The following MACROD2 variants were observed in gnomAD, a reference collection of about 807,000 sequenced individuals.
MACROD2 encodes the protein ADP-ribose glycohydrolase MACROD2.
MACROD2 carries 36 observed loss-of-function variants against 70.4 expected under a neutral mutation model. The ratio of observed to expected loss-of-function variants is 0.51; its 90% confidence interval spans 0.39 to 0.68. MACROD2 has a LOEUF of 0.68. Among genes scored for constraint, MACROD2 ranks in the 30% least tolerant of loss-of-function variants. MACROD2 has a pLI of 0.00. For missense variants in MACROD2, 496 were observed against 538.4 expected (o/e 0.92, Z 0.78); for synonymous variants, 172 against 178.8 (o/e 0.96, Z 0.30).
In MACROD2 at chr20:15,220,355, C is replaced by CTTGGCTTTG. The variant is rs1471165310; in HGVS notation, c.419-9583_419-9575dup. 2.0e-5 allele frequency among the ~76,000 whole-genome samples: 3 copies of CTTGGCTTTG among 152,218 alleles called. No individual in the cohort carries two copies. In the East Asian group the frequency reaches 5.8e-4, roughly 29 times the overall value. On this transcript the variant is annotated intron_variant, in intron 5 of 17. Transcript: ENST00000684519. Reference sequence around the variant, plus strand: ...ATTAAGCAACTGTTCCCATAGAATTCTTGGCTTTGTGGGAAACACAGACAT... The same window carrying CTTGGCTTTG: ...ATTAAGCAACTGTTCCCATAGAATTCTTGGCTTTGTTGGCTTTGTGGGAAACACAGACAT...
intron 7 of MACROD2, among the ~76,000 whole-genome samples, chr20:15,472,706 C>A (rs2046977400): frequency 6.6e-6 from 1 of 152,048 alleles, no homozygotes; most frequent in South Asian, 2.1e-4. Flanking sequence ...ATTCTATTTC[C>A]TATCATTTCA....
At chr20:15,562,959 C>T (rs779251287) in intron 8 of MACROD2, among the ~76,000 whole-genome samples, 8 of 152,118 alleles carry the variant, frequency 5.3e-5, no homozygotes, top group South Asian at 2.1e-4. Flanking sequence ...TGTGTAGAAA[C>T]GTACAGTTTG....
chr20:15,228,616 A>G (rs1017041095), intron 5 of MACROD2, among the ~76,000 whole-genome samples: 1 of 150,132 alleles, frequency 6.7e-6, no homozygotes, highest in African/African-American at 2.5e-5. Context: ...CAGTCTCCCG[A>G]GTAGCTGGGA....
At chr20:14,356,415 A>G (rs1405441511) in intron 3 of MACROD2, among the ~76,000 whole-genome samples, 1 of 152,028 alleles carries the variant, frequency 6.6e-6, no homozygotes, top group Non-Finnish European at 1.5e-5. Context: ...TATTTAGTCC[A>G]TAAATCTCAA....
intron 3 of MACROD2, among the ~76,000 whole-genome samples, chr20:14,353,777 T>C (rs1040626190): frequency 5.3e-5 from 8 of 152,182 alleles, no homozygotes; most frequent in Non-Finnish European, 8.8e-5. Flanking sequence ...AAATTTGTGT[T>C]AGCTACATTC....
chr20:15,726,898 T>C (rs1276935326), intron 8 of MACROD2, among the ~76,000 whole-genome samples: 4 of 152,222 alleles, frequency 2.6e-5, no homozygotes, highest in Non-Finnish European at 4.4e-5. Flanking sequence ...ACTCTGTTGA[T>C]AGTTTCTTTT....
intron 8 of MACROD2, among the ~76,000 whole-genome samples, chr20:15,634,352 G>A (rs1277492718): frequency 6.6e-6 from 1 of 152,150 alleles, no homozygotes; most frequent in Non-Finnish European, 1.5e-5. Context: ...TTTGAGCACT[G>A]AGCAATTTAT....
chr20:15,719,834 C>T (rs1464488126), intron 8 of MACROD2, among the ~76,000 whole-genome samples: 1 of 152,168 alleles, frequency 6.6e-6, no homozygotes, highest in Admixed American at 6.6e-5. Flanking sequence ...GCTATTTTCA[C>T]ATATGCAATA....
intron 6 of MACROD2, among the ~76,000 whole-genome samples, chr20:15,421,900 T>C (rs564306634): frequency 3.5e-4 from 54 of 152,302 alleles, no homozygotes; most frequent in African/African-American, 1.3e-3. Flanking sequence ...GAGAGTAATT[T>C]AGCTGGAGGC....
intron 6 of MACROD2, among the ~76,000 whole-genome samples, chr20:15,328,055 G>A (rs2077951343): frequency 6.6e-6 from 1 of 152,012 alleles, no homozygotes; most frequent in Admixed American, 6.6e-5. Context: ...AAGATGAGAA[G>A]GATCAGAAGG....
intron 4 of MACROD2, among the ~76,000 whole-genome samples, chr20:14,548,012 A>G (rs1320204151): frequency 2.0e-5 from 3 of 152,148 alleles, no homozygotes; most frequent in South Asian, 2.1e-4. Flanking sequence ...TGGTTGCTCA[A>G]AGCAAATCAA....
chr20:14,107,187 A>T (rs1341858422), intron 3 of MACROD2, among the ~76,000 whole-genome samples: 1 of 152,238 alleles, frequency 6.6e-6, no homozygotes, highest in Non-Finnish European at 1.5e-5. Flanking sequence ...AGAGAAATTT[A>T]ACAAAGAGAT....
At chr20:14,527,639 G>A (rs1044562273) in intron 4 of MACROD2, among the ~76,000 whole-genome samples, 8 of 152,162 alleles carry the variant, frequency 5.3e-5, no homozygotes, top group Non-Finnish European at 1.2e-4. Flanking sequence ...AATGTCTCAC[G>A]CTGTGCATTA....
At chr20:14,977,308 T>G (rs2074749260) in intron 5 of MACROD2, among the ~76,000 whole-genome samples, 1 of 151,976 alleles carries the variant, frequency 6.6e-6, no homozygotes, top group African/African-American at 2.4e-5. Context: ...TTTTTTTTTT[T>G]TTTTTTTTTT....
Position 15,795,435 on chromosome 20 carries a change from A to G in MACROD2, c.646-67310A>G, listed in dbSNP as rs2063664015. Among the ~76,000 whole-genome samples, 3 of 152,028 alleles carry G rather than the reference A, an allele frequency of 2.0e-5. No homozygotes were observed. The South Asian group carries it at 6.2e-4, about 32-fold the overall frequency. On this transcript the variant is annotated intron_variant, in intron 8 of 17. Transcript: ENST00000684519. Reference sequence around the variant, plus strand: ...CGACATTTGATTTGGGCGTTTGAGAATGCGTCACACTCAGAGCCAAGGGGA... The same window carrying G: ...CGACATTTGATTTGGGCGTTTGAGAGTGCGTCACACTCAGAGCCAAGGGGA...
chr20:15,994,482 A>G (rs1320728821), intron 15 of MACROD2, among the ~76,000 whole-genome samples: 1 of 152,234 alleles, frequency 6.6e-6, no homozygotes, highest in Non-Finnish European at 1.5e-5. Flanking sequence ...GTTAGGCTAA[A>G]GGAATTAGTT....
chr20:14,058,863 C>T (rs756862339), intron 2 of MACROD2, among the ~76,000 whole-genome samples: 9 of 152,114 alleles, frequency 5.9e-5, no homozygotes, highest in East Asian at 3.9e-4. Context: ...AGGATGGTCT[C>T]GATCTCTTGA....
chr20:14,376,117 C>G (rs2083368072), intron 3 of MACROD2, among the ~76,000 whole-genome samples: 1 of 152,064 alleles, frequency 6.6e-6, no homozygotes, highest in South Asian at 2.1e-4. Context: ...GCTCCTGATG[C>G]ATTGTTAAGG....
chr20:15,141,529 G>C lies in MACROD2; in HGVS notation c.419-88411G>C, dbSNP rs961042210. Among the ~76,000 whole-genome samples the C allele has an allele frequency of 7.0e-4, 106 of 152,256 alleles. 1 individual carries two copies. The highest frequency in any genetic ancestry group is 8.8e-5 in the Non-Finnish European group (6 of 68,008). ...CTCTCCTGCCCTTAAATTGGGGCTGGGAAGGGACTACCTGCCTCTCTCTGA... is the reference window on the plus strand; with the variant it reads ...CTCTCCTGCCCTTAAATTGGGGCTGCGAAGGGACTACCTGCCTCTCTCTGA... On this transcript the variant is annotated intron_variant, in intron 5 of 17. Transcript: ENST00000684519.
Sources: allele counts gnomAD v4.1 joint callset (sites outside exome capture counted in the v4.1 genomes callset), GRCh38; gene constraint gnomAD v4.1.1; transcripts MANE v1.5; gene names NCBI Gene and HGNC (gene_info 2026-07-23, HGNC 2026-07-21).